Variants in FYN observed in about 807,000 individuals in gnomAD.
The protein encoded by FYN is FYN proto-oncogene, Src family tyrosine kinase.
In FYN, 10 loss-of-function variants were observed where a neutral mutation model predicts 70.2. The ratio of observed to expected loss-of-function variants is 0.14; its 90% CI spans 0.09 to 0.24. FYN has a LOEUF of 0.24. FYN is among the 10% of genes least tolerant of loss of function. The probability of loss-of-function intolerance (pLI) is 1.00; values close to 1 mark genes in which losing one functional copy is unlikely to be tolerated. For missense variants in FYN, 319 were observed against 673.1 expected, an observed-to-expected ratio of 0.47 and a Z score of 5.82; for synonymous variants, 236 against 248.6, an observed-to-expected ratio of 0.95 and a Z score of 0.48.
chr6:111,712,703 A>C (rs1800440611), intron 5 of FYN, among the ~76,000 whole-genome samples: 1 of 152,232 alleles, frequency 6.6e-6, no homozygotes, highest in South Asian at 2.1e-4. Flanking sequence ...CTGGTACATC[A>C]GGAGCCTTCA....
intron 3 of FYN, among the ~76,000 whole-genome samples, chr6:111,739,899 C>T (rs975430139): frequency 6.6e-5 from 10 of 152,292 alleles, no homozygotes; most frequent in East Asian, 1.9e-4. Context: ...TCTTAGCTCA[C>T]GGCAACCTCT....
At chr6:111,681,523 T>C (rs1381243877) in intron 12 of FYN, among the ~76,000 whole-genome samples, 2 of 152,194 alleles carry the variant, frequency 1.3e-5, no homozygotes, top group African/African-American at 2.4e-5. Context: ...CTATAACCTG[T>C]GTCCTGCACT....
At chr6:111,709,343 A>G (rs1320653742) in intron 5 of FYN, among the ~76,000 whole-genome samples, 3 of 152,078 alleles carry the variant, frequency 2.0e-5, no homozygotes, top group Non-Finnish European at 4.4e-5. Flanking sequence ...CTCAAGCATT[A>G]CTCCAGAGGC....
At chr6:111,864,794 T>C (rs1774060573) in intron 1 of FYN, among the ~76,000 whole-genome samples, 1 of 152,188 alleles carries the variant, frequency 6.6e-6, no homozygotes, top group Admixed American at 6.5e-5. Context: ...GGAAAGAGTT[T>C]AGCAGTCACA....
chr6:111,771,826 G>A (rs1803464714), intron 3 of FYN, among the ~76,000 whole-genome samples: 1 of 152,188 alleles, frequency 6.6e-6, no homozygotes, highest in Non-Finnish European at 1.5e-5. Context: ...CTTTAGAGGT[G>A]CATAGCTTGT....
At chr6:111,830,514 G>A (rs990685166) in intron 2 of FYN, among the ~76,000 whole-genome samples, 56 of 26,952 alleles carry the variant, frequency 2.1e-3, no homozygotes, top group South Asian at 0.016. Flanking sequence ...ACAGTGCTGG[G>A]AGAGAGTCCA....
intron 12 of FYN, among the ~76,000 whole-genome samples, chr6:111,685,168 C>T (rs1362035928): frequency 6.6e-6 from 1 of 152,222 alleles, no homozygotes; most frequent in Non-Finnish European, 1.5e-5. Context: ...GAGAGGAACT[C>T]ACCTGAGTGA....
chr6:111,688,907 C>CTGCCCAGATCCACTGACTGGCCTAGGCTA (rs1799172401), intron 12 of FYN, among the ~76,000 whole-genome samples: 1 of 152,200 alleles, frequency 6.6e-6, no homozygotes, highest in African/African-American at 2.4e-5. Context: ...AAAGTGGTGA[C>CTGCCCAGATCCACTGACTGGCCTAGGCTA]TGCCCAGATC....
chr6:111,843,350 G>A (rs1394448388), intron 2 of FYN, among the ~76,000 whole-genome samples: 3 of 152,124 alleles, frequency 2.0e-5, no homozygotes, highest in Non-Finnish European at 4.4e-5. Context: ...TTTTTGTTCT[G>A]ATACAACTTG....
intron 3 of FYN, among the ~76,000 whole-genome samples, chr6:111,752,056 C>G (rs1050444778): frequency 2.6e-5 from 4 of 152,058 alleles, no homozygotes; most frequent in Non-Finnish European, 2.9e-5. Flanking sequence ...TTTTATAAAA[C>G]TGGATGTTTA....
intron 2 of FYN, among the ~76,000 whole-genome samples, chr6:111,837,509 C>T (rs1046976285): frequency 2.0e-5 from 3 of 152,262 alleles, no homozygotes; most frequent in East Asian, 1.9e-4. Flanking sequence ...CATTCTTCTA[C>T]CCTGTGTATG....
At chr6:111,698,643 C>A (rs1164773385) in intron 9 of FYN, among the ~76,000 whole-genome samples, 2 of 152,126 alleles carry the variant, frequency 1.3e-5, no homozygotes, top group African/African-American at 4.8e-5. Context: ...CCCAAAAGGG[C>A]TATAAAAGAA....
chr6:111,850,534 C>A (rs190644161), intron 1 of FYN, among the ~76,000 whole-genome samples: 2 of 152,312 alleles, frequency 1.3e-5, no homozygotes, highest in East Asian at 3.9e-4. Flanking sequence ...ACTTCCATAT[C>A]GAGCGTGTCC....
chr6:111,802,715 C>T (rs2114254304), intron 2 of FYN, among the ~76,000 whole-genome samples: 1 of 151,948 alleles, frequency 6.6e-6, no homozygotes, highest in South Asian at 2.1e-4. Flanking sequence ...AGGCATGAGC[C>T]ACCGTGCCTG....
chr6:111,830,247 C>T (rs535763060), intron 2 of FYN, among the ~76,000 whole-genome samples: 2 of 152,204 alleles, frequency 1.3e-5, no homozygotes, highest in East Asian at 3.9e-4. Flanking sequence ...CTTACAGGGG[C>T]AGAGTGTCAG....
chr6:111,697,301 C>T (rs1362326869), intron 9 of FYN, among the ~76,000 whole-genome samples: 1 of 152,176 alleles, frequency 6.6e-6, no homozygotes, highest in African/African-American at 2.4e-5. Flanking sequence ...ATTCAAAAAA[C>T]AAAACCATAC....
At chr6:111,677,984 C>A (rs1583294964) in intron 12 of FYN, among the ~76,000 whole-genome samples, 1 of 152,240 alleles carries the variant, frequency 6.6e-6, no homozygotes, top group East Asian at 1.9e-4. Flanking sequence ...CACTGTAACA[C>A]TTACTGTACT....
chr6:111,723,096 CA>C (rs1315789823), intron 3 of FYN, among the ~76,000 whole-genome samples: 2 of 152,078 alleles, frequency 1.3e-5, no homozygotes, highest in African/African-American at 4.8e-5. Flanking sequence ...CCAACTCCAG[CA>C]AAACAAAATA....
intron 2 of FYN, among the ~76,000 whole-genome samples, chr6:111,831,214 T>C (rs1773007810): frequency 6.6e-6 from 1 of 152,178 alleles, no homozygotes; most frequent in African/African-American, 2.4e-5. Context: ...GCTTGATAGA[T>C]GTGCCATGTT....
Sources: allele counts gnomAD v4.1 joint callset (sites outside exome capture counted in the v4.1 genomes callset), GRCh38; gene constraint gnomAD v4.1.1; transcripts MANE v1.5; gene names NCBI Gene and HGNC (gene_info 2026-07-23, HGNC 2026-07-21).